Variants in CLUH observed in about 807,000 individuals in gnomAD.
CLUH encodes CLUH binding protein of NUMT mRNA.
In CLUH, 77 loss-of-function variants were observed where a neutral mutation model predicts 139.3. The observed-to-expected ratio is 0.55, with a 90% CI of 0.46 to 0.67. The LOEUF is 0.67. Among genes scored for constraint, CLUH ranks in the 30% least tolerant of loss-of-function variants. The pLI, the probability that CLUH is intolerant of heterozygous loss-of-function variation, is 0.00. For missense variants in CLUH, 1,876 were observed against 1,875.8 expected (o/e 1.00, Z 0.00); for synonymous variants, 999 against 801.6 (o/e 1.25, Z -4.16).
chr17:2,697,831 C>A, intron 10 of CLUH, 65 bp downstream of exon 10: 1 of 1,397,372 alleles, frequency 7.2e-7, no homozygotes, highest in East Asian at 2.5e-5. Context: ...AACCCCGGAT[C>A]CACCCAGGGC....
At chr17:2,694,830 A>AC in intron 16 of CLUH, 27 bp downstream of exon 16, 5 of 734,638 alleles carry the variant, frequency 6.8e-6, no homozygotes, top group Non-Finnish European at 1.0e-5. Context: ...AATCCCACCC[A>AC]CCCCACCGCC....
intron 4 of CLUH, 59 bp from the exon 5 acceptor site, chr17:2,701,796 C>T (rs1445952562): frequency 6.4e-7 from 1 of 1,561,146 alleles, no homozygotes; most frequent in South Asian, 1.2e-5. Context: ...TGTCTCCCTA[C>T]CTCCTGATGG....
At chr17:2,694,321 C>G in intron 17 of CLUH, 45 bp from the exon 18 acceptor site, 1 of 1,551,864 alleles carries the variant, frequency 6.4e-7, no homozygotes. Context: ...GGCCCAGGTT[C>G]AGCGGGTTGG....
At position 2,691,625 on chromosome 17, in the gene CLUH, G is replaced by A. The variant is rs754686354; in HGVS notation, c.3847C>T (p.Leu1283Phe). The A allele has an allele frequency of 1.1e-5, 18 of 1,612,766 alleles. No homozygotes were observed. Among genetic ancestry groups the A allele is most frequent in the Non-Finnish European group, 1.5e-5 (18 of 1,179,418 alleles). The change falls in exon 25 of 26, where the codon CTC becomes TTC. Residue 1283 changes from leucine to phenylalanine, a missense_variant. This residue lies in a region of CLUH where 1,454 missense variants were observed against 1,384.4 expected (regional missense o/e 1.05). Coordinates refer to ENST00000651024, the MANE Select transcript of CLUH (RefSeq NM_001366661.1). Reference protein sequence around the residue: ...LEQLNVINGILFIPLSQKDLE... With the variant: ...LEQLNVINGIFFIPLSQKDLE... ...AGGCCTCACCTGAGAGGAATGAAGAGGATGCCGTTAATGACGTTCAGCTGC... is the reference window on the plus strand; with the variant it reads ...AGGCCTCACCTGAGAGGAATGAAGAAGATGCCGTTAATGACGTTCAGCTGC...
In CLUH at chr17:2,691,866, T is replaced by C. The variant is rs371565173; in HGVS notation, c.3684A>G (p.Glu1228=). 1.3e-4 allele frequency: 198 copies of C among 1,544,324 alleles called. No individual in the cohort carries two copies. In the African/African-American group the frequency reaches 2.5e-3, roughly 19 times the overall value. ...QLGEDHEKTK[E]SSEYLKCLTQ... Reference sequence around the variant, plus strand: ...TCAGGCACTTGAGGTACTCGGAGCTTTCCTTGGTCTTCTCATGGTCCTCGC... The same window carrying C: ...TCAGGCACTTGAGGTACTCGGAGCTCTCCTTGGTCTTCTCATGGTCCTCGC... Residue 1228 remains glutamate (E), a synonymous_variant, in exon 24 of 26, where the codon GAA becomes GAG. Transcript: ENST00000651024.
At position 2,695,254 on chromosome 17, in the gene CLUH, G is replaced by A. The variant is rs772600039; in HGVS notation, c.2571C>T (p.Thr857=). The part of the protein sequence containing the change: ...VFKIGIGELI[T]RSAKHIFKTY... ...TCTTGAAGATGTGCTTGGCCGAGCG[G>A]GTGATGAGTTCTCCAATGCCGATTT... The change falls in exon 15 of 26, where the codon ACC becomes ACT. Residue 857 remains threonine (T), a synonymous_variant. Coordinates refer to ENST00000651024, the MANE Select transcript of CLUH (RefSeq NM_001366661.1). The A allele has an allele frequency of 3.1e-6, 5 of 1,613,904 alleles. No homozygotes were observed. The Admixed American group carries it at 8.3e-5, about 27-fold the overall frequency.
rs1392253691 is a variant in CLUH, at chr17:2,691,826, C to T, written c.3724G>A (p.Ala1242Thr). Reference protein sequence around the residue: ...YLKCLTQQAVALQRTMNEIYR... With the variant: ...YLKCLTQQAVTLQRTMNEIYR... Reference sequence around the variant, plus strand: ...ATCTCGTTCATGGTGCGCTGCAGGGCCACGGCCTGCTGGGTCAGGCACTTG... The same window carrying T: ...ATCTCGTTCATGGTGCGCTGCAGGGTCACGGCCTGCTGGGTCAGGCACTTG... Residue 1242 changes from alanine (A) to threonine (T), a missense_variant, in exon 24 of 26, where the codon GCC becomes ACC. Ala to Thr is a moderately conservative substitution (Grantham distance 58). Around this residue, in one of 3 missense-constraint regions of CLUH, gnomAD observed 1,454 missense variants for 1,384.4 expected, o/e 1.05. Coordinates refer to ENST00000651024, the MANE Select transcript of CLUH (RefSeq NM_001366661.1). 3.2e-6 allele frequency: 5 copies of T among 1,568,860 alleles called. No individual in the cohort carries two copies. The highest frequency in any genetic ancestry group is 2.4e-5 in the East Asian group (1 of 42,372).
chr17:2,690,616 G>C lies in CLUH; in HGVS notation c.4025C>G (p.Pro1342Arg). 2.7e-6 allele frequency: 4 copies of C among 1,495,662 alleles called. No homozygotes were observed. The highest frequency in any genetic ancestry group is 3.5e-6 in the Non-Finnish European group (4 of 1,127,580). The allele number at this position is 1,495,662 out of a possible 1,614,324, so 92.6% of individuals were successfully genotyped here. A position where few individuals can be genotyped will look rare whatever the true frequency, so the allele number is the denominator to read the frequency against. Residue 1342 changes from proline to arginine, a missense_variant, in exon 26 of 26, where the codon CCT (proline) becomes CGT (arginine). By Grantham distance (103) the Pro-to-Arg change is moderately radical. Coordinates refer to ENST00000651024, the MANE Select transcript of CLUH (RefSeq NM_001366661.1). ...LGSQPPAAKD[P>R]SPSVQG is the part of the protein sequence containing the mutation. Reference sequence around the variant, plus strand: ...TCTCTATCCCTGCACGCTCGGAGAAGGGTCCTTGGCAGCCGGGGGCTGGGA... The same window carrying C: ...TCTCTATCCCTGCACGCTCGGAGAACGGTCCTTGGCAGCCGGGGGCTGGGA...
Position 2,692,446 on chromosome 17 carries a change from A to G in CLUH, c.3475T>C (p.Tyr1159His). 1.2e-6 allele frequency: 2 copies of G among 1,600,268 alleles called. No homozygotes were observed. The highest frequency in any genetic ancestry group is 8.5e-7 in the Non-Finnish European group (1 of 1,179,310). Residue 1159 changes from tyrosine to histidine, a missense_variant, in exon 22 of 26, where the codon TAC becomes CAC. Physicochemically the swap from Tyr to His is moderately conservative, Grantham distance 83. This residue lies in a region of CLUH where 1,454 missense variants were observed against 1,384.4 expected (regional missense o/e 1.05). Transcript: ENST00000651024. ...TCCAGGAAGCGCAGCGACAGGTCGTACTCCATCACCCCGTGCAGCACCAGC... is the reference window on the plus strand; with the variant it reads ...TCCAGGAAGCGCAGCGACAGGTCGTGCTCCATCACCCCGTGCAGCACCAGC... ...IGLVLHGVMEYDLSLRFLENA... is the reference protein window; with the variant it reads ...IGLVLHGVMEHDLSLRFLENA...
intron 9 of CLUH, 126 bp from the exon 10 acceptor site, chr17:2,698,716 G>A: frequency 1.2e-6 from 1 of 862,434 alleles, no homozygotes; most frequent in African/African-American, 1.7e-5. Flanking sequence ...AGGACCCGGA[G>A]CCTCAGTTTC....
intron 13 of CLUH, chr17:2,695,753 G>A (rs2069915675): frequency 1.6e-6 from 1 of 628,064 alleles, no homozygotes. Flanking sequence ...AGAAGCAGAG[G>A]TGCCCGCTTG....
chr17:2,706,829 A>G lies in CLUH; in HGVS notation c.101-2265T>C, dbSNP rs2070364822. The stretch of plus-strand genomic sequence containing the variant: ...CACCCAATATAGAACAGCAGTTTTG[A>G]GCTATGAGATCCCAAAAGTGGGGAG... On this transcript the variant is annotated intron_variant, in intron 1 of 25. Coordinates refer to ENST00000651024, the MANE Select transcript of CLUH (RefSeq NM_001366661.1). The surrounding 1 kb of genome is among the most constrained non-coding windows in gnomAD (Gnocchi z 4.6). Among the ~76,000 whole-genome samples, 1 of 152,124 alleles carries G rather than the reference A, an allele frequency of 6.6e-6. No homozygotes were observed. Among genetic ancestry groups the G allele is most frequent in the African/African-American group, 2.4e-5 (1 of 41,416 alleles).
At chr17:2,692,167 GC>G in intron 22 of CLUH, 70 bp from the exon 23 acceptor site, 2 of 1,488,334 alleles carry the variant, frequency 1.3e-6, no homozygotes, top group Non-Finnish European at 1.8e-6. Context: ...TGACTCGGGG[GC>G]CCGGGGTCTC....
At chr17:2,697,781 G>A (rs1597611228) in intron 10 of CLUH, 115 bp downstream of exon 10, 3 of 992,978 alleles carry the variant, frequency 3.0e-6, no homozygotes, top group Non-Finnish European at 4.3e-6. Context: ...GCTAGACGGA[G>A]CCCTTCTTCA....
chr17:2,697,009 G>A lies in CLUH; in HGVS notation c.1962-67C>T, dbSNP rs903308558. 9 of 1,249,998 alleles carry A rather than the reference G, an allele frequency of 7.2e-6. No individual in the cohort carries two copies. In the African/African-American group the frequency reaches 1.1e-4, roughly 15 times the overall value. The allele number at this position is 1,249,998 out of a possible 1,614,324, so 77.4% of individuals were successfully genotyped here. On this transcript the variant is annotated intron_variant, in intron 10 of 25. Transcript: ENST00000651024. ...GGGAGAGGAGCTCTGCTGGCCCACG[G>A]CTCCCGGCAGCTGGGGCTCCACACC...
rs905406576 is a variant in CLUH, at chr17:2,690,209, T to C, written c.*385A>G. 12 of 210,600 alleles carry C rather than the reference T, an allele frequency of 5.7e-5. No individual in the cohort carries two copies. The highest frequency in any genetic ancestry group is 2.8e-4 in the African/African-American group (12 of 43,566). 13.0% of individuals were successfully genotyped at this position (210,600 alleles called of 1,614,324 possible). A position where few individuals can be genotyped will look rare whatever the true frequency, so the allele number is the denominator to read the frequency against. ...GAAATCCCGTCTGCGCGTCACCCAC[T>C]CAGGAGTCACCCACTCAGGACTGGC... On this transcript the variant is annotated 3_prime_UTR_variant, in exon 26 of 26. Transcript: ENST00000651024.
At chr17:2,701,301 G>A (rs768263446) in intron 6 of CLUH, 36 bp from the exon 7 acceptor site, 1 of 1,608,008 alleles carries the variant, frequency 6.2e-7, no homozygotes, top group Admixed American at 1.7e-5. Flanking sequence ...CGGGGGCCCA[G>A]GTGTCTGCCC....
At chr17:2,708,908 TCTACA>T (rs2070431369) in intron 1 of CLUH, among the ~76,000 whole-genome samples, 1 of 148,358 alleles carries the variant, frequency 6.7e-6, no homozygotes, top group Admixed American at 6.7e-5. Flanking sequence ...CCCCAAGGCC[TCTACA>T]CCCTTGGGCC....
At chr17:2,691,421 G>A (rs982504848) in intron 25 of CLUH, 188 bp downstream of exon 25, 5 of 597,598 alleles carry the variant, frequency 8.4e-6, no homozygotes, top group Admixed American at 2.7e-5. Context: ...AATGAGCCGG[G>A]CGAGGTGGCG....
Sources: allele counts gnomAD v4.1 joint callset (sites outside exome capture counted in the v4.1 genomes callset), GRCh38; gene constraint gnomAD v4.1.1; regional missense constraint gnomAD v4.1.1; non-coding constraint Gnocchi (gnomAD v3.1); transcripts MANE v1.5; gene names NCBI Gene and HGNC (gene_info 2026-07-23, HGNC 2026-07-21).